The following STK17A variants were observed in gnomAD, a reference collection of about 807,000 sequenced individuals.
STK17A encodes the protein serine/threonine-protein kinase 17A.
In STK17A, 26 loss-of-function variants were observed where a neutral mutation model predicts 43.7. That is an observed-to-expected ratio of 0.60 (90% CI 0.44 to 0.83). The LOEUF (loss-of-function observed/expected upper bound fraction) is 0.83. Ranked by LOEUF, STK17A falls within the 40% of genes least tolerant of loss-of-function variation. The pLI, the probability that STK17A is intolerant of heterozygous loss-of-function variation, is 0.00. For missense variants in STK17A, 476 were observed against 511.6 expected (o/e 0.93, Z 0.67); for synonymous variants, 191 against 182.5 (o/e 1.05, Z -0.38).
intron 1 of STK17A, among the ~76,000 whole-genome samples, chr7:43,593,360 G>A (rs2082492591): frequency 6.6e-6 from 1 of 152,190 alleles, no homozygotes; most frequent in South Asian, 2.1e-4. Flanking sequence ...TAACATATGA[G>A]TGCAGGTGTC....
chr7:43,590,029 C>G (rs1482903979), intron 1 of STK17A, among the ~76,000 whole-genome samples: 1 of 149,934 alleles, frequency 6.7e-6, no homozygotes, highest in Non-Finnish European at 1.5e-5. Flanking sequence ...TCTCGGCAGC[C>G]TAGATGTCCC....
chr7:43,599,879 G>C (rs903223861), intron 2 of STK17A, among the ~76,000 whole-genome samples: 1 of 151,304 alleles, frequency 6.6e-6, no homozygotes, highest in East Asian at 2.0e-4. Context: ...GGGTGGTCAG[G>C]TGTAAGTCCT....
rs2084390714 is a variant in STK17A, at chr7:43,625,348, G to A, written c.*506G>A. On this transcript the variant is annotated 3_prime_UTR_variant, in exon 7 of 7. Transcript: ENST00000319357. ...GAGACTTAGAATAACATTCACTAAA[G>A]TTTGATAATGTCTTTTTTAAATATT... is the stretch of plus-strand genomic sequence containing the variant. 1 of 152,334 alleles carries A rather than the reference G, an allele frequency of 6.6e-6. No homozygotes were observed. The highest frequency in any genetic ancestry group is 2.4e-5 in the African/African-American group (1 of 41,426). 9.4% of individuals were successfully genotyped at this position (152,334 alleles called of 1,614,324 possible).
In STK17A at chr7:43,624,632, AG is replaced by A. The variant is rs2084290807; in HGVS notation, c.1037del (p.Gly346ValfsTer21). Reference protein sequence around the residue: ...ALEEANALQEGHSVPEINSDT... With the variant: ...ALEEANALQEXHSVPEINSDT... ...TAGAAGAAGCAAATGCCCTCCAAGA[AG>A]GTCATTCTGTGCCTGAAATTAATTC... is the stretch of plus-strand genomic sequence containing the variant. On this transcript the variant is annotated frameshift_variant, in exon 7 of 7. Coordinates refer to ENST00000319357, the MANE Select transcript of STK17A (RefSeq NM_004760.3). LOFTEE classifies it high-confidence loss of function. 6.2e-7 allele frequency: 1 copy of A among 1,614,014 alleles called. No homozygotes were observed. The highest frequency in any genetic ancestry group is 8.5e-7 in the Non-Finnish European group (1 of 1,180,018).
At chr7:43,604,410 G>T (rs552043730) in intron 2 of STK17A, among the ~76,000 whole-genome samples, 1 of 152,144 alleles carries the variant, frequency 6.6e-6, no homozygotes, top group African/African-American at 2.4e-5. Context: ...TGAATTTTTT[G>T]AGTTGTTTTC....
chr7:43,600,100 T>C (rs2082545303), intron 2 of STK17A, among the ~76,000 whole-genome samples: 1 of 152,120 alleles, frequency 6.6e-6, no homozygotes, highest in African/African-American at 2.4e-5. Flanking sequence ...AATAATACTT[T>C]CCCAAATTTC....
chr7:43,596,000 G>C lies in STK17A; in HGVS notation c.306G>C (p.Arg102=). 1.2e-6 allele frequency: 2 copies of C among 1,613,940 alleles called. No individual in the cohort carries two copies. Among genetic ancestry groups the C allele is most frequent in the Non-Finnish European group, 1.7e-6 (2 of 1,179,948 alleles). Residue 102 remains arginine, a synonymous_variant, in exon 2 of 7, where the codon CGG becomes CGC. Transcript: ENST00000319357. The stretch of plus-strand genomic sequence containing the variant: ...AAAGAAGAAAAGGCCAAGATTGTCG[G>C]ATGGAAATAATTCATGAGATTGCTG... ...MRKRRKGQDC[R]MEIIHEIAVL...
chr7:43,589,711 C>T (rs2082466069), intron 1 of STK17A, among the ~76,000 whole-genome samples: 1 of 151,492 alleles, frequency 6.6e-6, no homozygotes, highest in South Asian at 2.1e-4. Flanking sequence ...CTCACACCTG[C>T]CAGGGAGTGC....
chr7:43,612,721 G>T (rs1020051958), intron 3 of STK17A, among the ~76,000 whole-genome samples: 2 of 152,018 alleles, frequency 1.3e-5, no homozygotes, highest in Non-Finnish European at 2.9e-5. Context: ...CTTAGCTTTG[G>T]TGCAGAGCCT....
chr7:43,586,812 A>G (rs1258641112), intron 1 of STK17A, among the ~76,000 whole-genome samples: 3 of 151,596 alleles, frequency 2.0e-5, no homozygotes, highest in African/African-American at 7.2e-5. Flanking sequence ...ATATTAGTAC[A>G]TGCTAATAGT....
intron 1 of STK17A, among the ~76,000 whole-genome samples, chr7:43,584,921 G>C (rs2082428204): frequency 6.6e-6 from 1 of 152,222 alleles, no homozygotes; most frequent in African/African-American, 2.4e-5. Context: ...AACTGGCCGG[G>C]CGCAGTGGCT....
chr7:43,608,468 G>A, intron 3 of STK17A, 68 bp downstream of exon 3: 2 of 1,522,152 alleles, frequency 1.3e-6, no homozygotes, highest in Non-Finnish European at 1.8e-6. Flanking sequence ...ATTTAACAGT[G>A]ATTTATTCAA....
intron 1 of STK17A, among the ~76,000 whole-genome samples, chr7:43,590,221 C>T (rs6463198): frequency 0.086 from 12,959 of 151,374 alleles, 915 homozygotes; most frequent in Middle Eastern, 0.16. Flanking sequence ...GCTGGTATTA[C>T]AGGCATGAGC....
In STK17A at chr7:43,624,930, G is replaced by A; in HGVS notation, c.*88G>A. On this transcript the variant is annotated 3_prime_UTR_variant, in exon 7 of 7. Transcript: ENST00000319357. ...CTCTGGCCAAATGGTACATGTACTGGAAGTGGATAACCAGTATCACTTACA... is the reference window on the plus strand; with the variant it reads ...CTCTGGCCAAATGGTACATGTACTGAAAGTGGATAACCAGTATCACTTACA... 6 of 1,179,842 alleles carry A rather than the reference G, an allele frequency of 5.1e-6. No homozygotes were observed. The South Asian group carries it at 9.5e-5, about 19-fold the overall frequency. The allele number at this position is 1,179,842 out of a possible 1,614,324, so 73.1% of individuals were successfully genotyped here. A position where few individuals can be genotyped will look rare whatever the true frequency, so the allele number is the denominator to read the frequency against.
intron 6 of STK17A, 131 bp downstream of exon 6, chr7:43,624,019 A>G: frequency 1.6e-6 from 1 of 607,210 alleles, no homozygotes. Context: ...ACCATAATGG[A>G]AACACAAAAA....
intron 2 of STK17A, among the ~76,000 whole-genome samples, chr7:43,598,469 CAAAA>C (rs61683967): frequency 0.013 from 1,041 of 80,400 alleles, 11 homozygotes; most frequent in African/African-American, 0.05. Flanking sequence ...GACTCCGTCT[CAAAA>C]AAAAAAAAAA....
intron 1 of STK17A, among the ~76,000 whole-genome samples, chr7:43,590,111 A>G (rs2152970585): frequency 6.7e-6 from 1 of 150,096 alleles, no homozygotes; most frequent in African/African-American, 2.4e-5. Flanking sequence ...ACGCCTGTCT[A>G]ATTTTTGTAT....
chr7:43,600,760 G>T lies in STK17A; in HGVS notation c.419+4647G>T, dbSNP rs2082549703. Among the ~76,000 whole-genome samples the T allele has an allele frequency of 2.0e-5, 3 of 151,996 alleles. No individual in the cohort carries two copies. In the South Asian group the frequency reaches 6.2e-4, roughly 31 times the overall value. ...TACTTTTAGAAAAAATTTTTTGATG[G>T]TACATAATGGGGTCTCACTATGTTG... On this transcript the variant is annotated intron_variant, in intron 2 of 6. Transcript: ENST00000319357.
chr7:43,606,568 AAAATTTTTTGGTT>A (rs2082590796), intron 2 of STK17A, among the ~76,000 whole-genome samples: 1 of 152,180 alleles, frequency 6.6e-6, no homozygotes, highest in African/African-American at 2.4e-5. Context: ...ATTTCCCAGT[AAAATTTTTTGGTT>A]AAAAAGTAGT....
Sources: gnomAD v4.1 joint callset for allele counts (sites outside exome capture counted in the v4.1 genomes callset) on GRCh38, gnomAD v4.1.1 for gene constraint, MANE v1.5 for transcripts, NCBI Gene and HGNC (gene_info 2026-07-23, HGNC 2026-07-21) for gene names.